LGSN: variants seen among roughly 807,000 people sequenced by gnomAD.
The protein encoded by LGSN is lengsin.
In LGSN, 21 loss-of-function variants were observed where a neutral mutation model predicts 19.5. That is an observed-to-expected ratio of 1.07 (90% CI 0.76 to 1.55). LGSN has a LOEUF of 1.55. Among genes scored for constraint, LGSN ranks in the 40% most tolerant of loss-of-function variants. LGSN has a pLI of 0.00. For synonymous variants in LGSN, 257 were observed against 215.6 expected (o/e 1.19, Z -1.68); for missense variants, 673 against 608.5 (o/e 1.11, Z -1.12).
chr6:63,384,784 C>G, the LGSN span, among the ~76,000 whole-genome samples: 1 of 152,156 alleles, frequency 6.6e-6, no homozygotes, highest in African/African-American at 2.4e-5. Flanking sequence ...TCCCAAAGTG[C>G]TGGGATTACA....
At chr6:63,287,510 C>A (rs1177200532) in intron 2 of LGSN, among the ~76,000 whole-genome samples, 4 of 152,002 alleles carry the variant, frequency 2.6e-5, no homozygotes, top group South Asian at 2.1e-4. Flanking sequence ...CAGTTCAAGA[C>A]CAGCCTGGGC....
chr6:63,355,425 T>C, the LGSN span, among the ~76,000 whole-genome samples: 67 of 152,162 alleles, frequency 4.4e-4, no homozygotes, highest in African/African-American at 1.6e-3. Context: ...ACAAAAAGAG[T>C]ACATCCTATG....
chr6:63,397,140 G>A, the LGSN span: 1 of 152,222 alleles, frequency 6.6e-6, no homozygotes, highest in Admixed American at 6.6e-5. Context: ...TACACCTGAG[G>A]CTGATTGGAC....
chr6:63,471,140 T>TTTTG, the LGSN span, among the ~76,000 whole-genome samples: 7 of 151,502 alleles, frequency 4.6e-5, no homozygotes, highest in Admixed American at 3.3e-4. Flanking sequence ...GGTTGTTTTT[T>TTTTG]TTTGTTTGTT....
chr6:63,457,890 T>G, the LGSN span, among the ~76,000 whole-genome samples: 1 of 151,938 alleles, frequency 6.6e-6, no homozygotes, highest in Admixed American at 6.6e-5. Context: ...AATAAATAAA[T>G]TAATTAATTA....
the LGSN span, among the ~76,000 whole-genome samples, chr6:63,553,610 A>T: frequency 4.6e-5 from 7 of 152,336 alleles, 2 homozygotes; most frequent in African/African-American, 1.7e-4. Context: ...TGATGTTCTA[A>T]CTAATGAATG....
the LGSN span, among the ~76,000 whole-genome samples, chr6:63,330,245 C>G: frequency 6.6e-6 from 1 of 152,168 alleles, no homozygotes; most frequent in Non-Finnish European, 1.5e-5. Flanking sequence ...TAAGCCCTAC[C>G]AAGTGATTGG....
chr6:63,333,071 A>T, the LGSN span, among the ~76,000 whole-genome samples: 2 of 151,946 alleles, frequency 1.3e-5, no homozygotes, highest in African/African-American at 2.4e-5. Flanking sequence ...GAGCAGTAGC[A>T]AGATTTATTG....
At chr6:63,505,617 G>T in the LGSN span, among the ~76,000 whole-genome samples, 20,897 of 103,320 alleles carry the variant, frequency 0.2, 4,714 homozygotes, top group Admixed American at 0.29. Flanking sequence ...AAGAAAGAAA[G>T]AAAGAAAGAA....
chr6:63,500,713 A>T, the LGSN span, among the ~76,000 whole-genome samples: 1 of 145,946 alleles, frequency 6.9e-6, no homozygotes, highest in South Asian at 2.2e-4. Flanking sequence ...GAGCCATCAC[A>T]CCTGGCAATT....
At chr6:63,521,892 G>C in the LGSN span, 2 of 152,032 alleles carry the variant, frequency 1.3e-5, no homozygotes, top group Admixed American at 1.3e-4. Context: ...TAGAACAATG[G>C]GAATCTTATA....
At chr6:63,377,094 A>G in the LGSN span, among the ~76,000 whole-genome samples, 1 of 152,248 alleles carries the variant, frequency 6.6e-6, no homozygotes. Context: ...TATAGCTTAA[A>G]TTAATTTTAG....
chr6:63,393,903 G>GT, the LGSN span, among the ~76,000 whole-genome samples: 1 of 152,144 alleles, frequency 6.6e-6, no homozygotes, highest in African/African-American at 2.4e-5. Flanking sequence ...TTCCCACGAG[G>GT]TTAGGTATTC....
At chr6:63,510,091 TAGAA>T in the LGSN span, among the ~76,000 whole-genome samples, 1 of 152,208 alleles carries the variant, frequency 6.6e-6, no homozygotes, top group African/African-American at 2.4e-5. Flanking sequence ...TTTTTAAAGA[TAGAA>T]AGAAACAACA....
intron 2 of LGSN, among the ~76,000 whole-genome samples, chr6:63,288,040 C>T (rs1767611616): frequency 1.3e-5 from 2 of 151,406 alleles, no homozygotes; most frequent in African/African-American, 4.9e-5. Flanking sequence ...ATGGTGAAAC[C>T]CCGTCTCTAC....
the LGSN span, chr6:63,481,810 G>A: frequency 3.2e-6 from 1 of 314,198 alleles, no homozygotes; most frequent in Non-Finnish European, 6.2e-6. Flanking sequence ...GAACAGATAT[G>A]CGGGAGGAGC....
chr6:63,491,220 A>AC, the LGSN span, among the ~76,000 whole-genome samples: 1 of 152,114 alleles, frequency 6.6e-6, no homozygotes, highest in Non-Finnish European at 1.5e-5. Flanking sequence ...GGTCACCAAG[A>AC]CCCCAGATCT....
chr6:63,285,787 G>T, intron 2 of LGSN, 34 bp from the exon 3 acceptor site: 2 of 1,583,086 alleles, frequency 1.3e-6, no homozygotes, highest in South Asian at 2.2e-5. Flanking sequence ...TAACTCACGA[G>T]ATCATGATGG....
At chr6:63,555,911 G>A in the LGSN span, among the ~76,000 whole-genome samples, 1,522 of 151,926 alleles carry the variant, frequency 0.01, 9 homozygotes, top group South Asian at 0.033. Context: ...CCAGGCTGGC[G>A]AACTCCTGGC....
Sources: allele counts gnomAD v4.1 joint callset (sites outside exome capture counted in the v4.1 genomes callset), GRCh38; gene constraint gnomAD v4.1.1; transcripts MANE v1.5; gene names NCBI Gene and HGNC (gene_info 2026-07-23, HGNC 2026-07-21).